Variants in MTMR1 observed in about 807,000 individuals in gnomAD.
MTMR1 encodes phosphatidylinositol-3-phosphate phosphatase MTMR1.
Under a neutral mutation model 51.6 loss-of-function variants are expected in MTMR1, and 17 were observed. That is an observed-to-expected ratio of 0.33 (90% CI 0.23 to 0.49). MTMR1 has a LOEUF of 0.49. Ranked by LOEUF, MTMR1 falls within the 20% of genes least tolerant of loss-of-function variation. MTMR1 has a pLI of 0.99. For synonymous variants in MTMR1, 201 were observed against 205.6 expected (o/e 0.98, Z 0.19); for missense variants, 386 against 526.9 (o/e 0.73, Z 2.62).
intron 3 of MTMR1, among the ~76,000 whole-genome samples, chrX:150,718,424 A>G (rs1385139626): frequency 9.0e-6 from 1 of 111,201 alleles, no homozygotes; most frequent in Non-Finnish European, 1.9e-5. Flanking sequence ...ACAATTTGCT[A>G]GAATATGCAG....
chrX:150,764,958 AT>A lies in MTMR1; in HGVS notation c.*2230del, dbSNP rs1557418425. 3 of 112,527 alleles carry A rather than the reference AT, an allele frequency of 2.7e-5. No individual in the cohort carries two copies. The highest frequency in any genetic ancestry group is 3.7e-5 in the Non-Finnish European group (2 of 53,355). The allele number at this position is 112,527 out of a possible 1,213,427, so 9.3% of individuals were successfully genotyped here. A position where few individuals can be genotyped will look rare whatever the true frequency, so the allele number is the denominator to read the frequency against. On this transcript the variant is annotated 3_prime_UTR_variant, in exon 16 of 16. Coordinates refer to ENST00000445323, the MANE Select transcript of MTMR1 (RefSeq NM_001306144.3). The stretch of plus-strand genomic sequence containing the variant: ...GTCTTTTTTAAGTAAGTAAGTAAGT[AT>A]CTTAGTAGATTTTTCCTTTGAGGAA...
chrX:150,702,317 G>C (rs1468383164), intron 2 of MTMR1, among the ~76,000 whole-genome samples: 1 of 110,497 alleles, frequency 9.1e-6, no homozygotes, highest in Admixed American at 9.6e-5. Flanking sequence ...CTCCATCCCA[G>C]ATTTACTGAA....
rs1485884244 is a variant in MTMR1, at chrX:150,764,582, A to G, written c.*1853A>G. 2.7e-5 allele frequency: 3 copies of G among 111,255 alleles called. No individual in the cohort carries two copies. Among genetic ancestry groups the G allele is most frequent in the Admixed American group, 1.9e-4 (2 of 10,441 alleles). The allele number at this position is 111,255 out of a possible 1,213,427, so 9.2% of individuals were successfully genotyped here. On this transcript the variant is annotated 3_prime_UTR_variant, in exon 16 of 16. Coordinates refer to ENST00000445323, the MANE Select transcript of MTMR1 (RefSeq NM_001306144.3). The stretch of plus-strand genomic sequence containing the variant: ...GACTGGATGATGCCTTCGACAAACC[A>G]GAGAAGCCAAGTTGGGGGGAGCTGG...
intron 9 of MTMR1, among the ~76,000 whole-genome samples, chrX:150,732,148 T>G (rs2042136238): frequency 8.9e-6 from 1 of 111,775 alleles, no homozygotes; most frequent in South Asian, 3.7e-4. Context: ...TATAAGAGAC[T>G]GTATATTCAC....
At chrX:150,744,607 A>G (rs1270758979) in intron 13 of MTMR1, among the ~76,000 whole-genome samples, 154 bp downstream of exon 13, 1 of 112,759 alleles carries the variant, frequency 8.9e-6, no homozygotes, top group Admixed American at 9.4e-5. Context: ...AAATATAAGC[A>G]GAACATTAGA....
intron 4 of MTMR1, among the ~76,000 whole-genome samples, chrX:150,725,841 G>A (rs2041904952): frequency 9.0e-6 from 1 of 111,627 alleles, no homozygotes. Context: ...ATATTCGACT[G>A]TCCTCACTGC....
intron 2 of MTMR1, among the ~76,000 whole-genome samples, chrX:150,702,113 G>C (rs1344240889): frequency 2.9e-5 from 3 of 103,009 alleles, no homozygotes; most frequent in African/African-American, 1.1e-4. Flanking sequence ...ATAGAGATGG[G>C]GTCTTACTAC....
chrX:150,727,823 G>A (rs782478067), intron 6 of MTMR1, 32 bp downstream of exon 6: 15 of 1,066,138 alleles, frequency 1.4e-5, no homozygotes, highest in Non-Finnish European at 2.0e-5. Context: ...AAAACTAAAA[G>A]AGGGCAATCA....
intron 14 of MTMR1, among the ~76,000 whole-genome samples, chrX:150,753,823 T>C (rs782760389): frequency 1.2e-3 from 135 of 112,503 alleles, no homozygotes; most frequent in Non-Finnish European, 2.0e-3. Context: ...GTTTTTAATT[T>C]TGATGAACTG....
At chrX:150,755,139 CA>C (rs1350331443) in intron 14 of MTMR1, among the ~76,000 whole-genome samples, 1 of 111,279 alleles carries the variant, frequency 9.0e-6, no homozygotes, top group Non-Finnish European at 1.9e-5. Context: ...ACTACAGCCT[CA>C]AACTCCTGGC....
intron 6 of MTMR1, among the ~76,000 whole-genome samples, chrX:150,729,333 G>T (rs782214309): frequency 1.8e-5 from 2 of 111,969 alleles, no homozygotes; most frequent in Non-Finnish European, 3.8e-5. Flanking sequence ...AGGTGTATGT[G>T]TGTAGCCATG....
chrX:150,755,643 T>C (rs2042883595), intron 14 of MTMR1, 46 bp from the exon 15 acceptor site: 1 of 987,873 alleles, frequency 1.0e-6, no homozygotes, highest in Non-Finnish European at 1.4e-6. Flanking sequence ...TAATTCTTGA[T>C]GATATGAAGA....
chrX:150,731,312 C>T (rs994724622), intron 8 of MTMR1, among the ~76,000 whole-genome samples, 158 bp from the exon 9 acceptor site: 5 of 111,266 alleles, frequency 4.5e-5, no homozygotes, highest in African/African-American at 6.6e-5. Flanking sequence ...TGGGTTTTAC[C>T]GAATAAATAT....
At chrX:150,735,141 A>G (rs1210059024) in intron 10 of MTMR1, among the ~76,000 whole-genome samples, 1 of 111,983 alleles carries the variant, frequency 8.9e-6, no homozygotes, top group Non-Finnish European at 1.9e-5. Context: ...AAGCTAAGAG[A>G]GAGACATGGA....
At chrX:150,736,517 G>C (rs2042273089) in intron 10 of MTMR1, 78 bp from the exon 11 acceptor site, 2 of 966,788 alleles carry the variant, frequency 2.1e-6, no homozygotes, top group Non-Finnish European at 2.9e-6. Context: ...CTTCTTTAGT[G>C]GTCTGTATCT....
intron 2 of MTMR1, among the ~76,000 whole-genome samples, chrX:150,709,012 C>T (rs1038405903): frequency 9.0e-6 from 1 of 111,489 alleles, no homozygotes; most frequent in Non-Finnish European, 1.9e-5. Context: ...TCTAATGAGG[C>T]CTAGATACCC....
chrX:150,762,267 G>A (rs900397430), intron 15 of MTMR1, among the ~76,000 whole-genome samples: 31 of 112,459 alleles, frequency 2.8e-4, no homozygotes, highest in East Asian at 8.4e-4. Flanking sequence ...TCCATGGTGC[G>A]CAGTGTCCCC....
chrX:150,732,768 T>G (rs782074601), intron 10 of MTMR1, 38 bp downstream of exon 10: 16 of 1,091,093 alleles, frequency 1.5e-5, no homozygotes, highest in Non-Finnish European at 2.0e-5. Flanking sequence ...ACTGGATATT[T>G]TCATGTCCTG....
rs191807958 is a variant in MTMR1 at position 150,760,160 on chromosome X, T to C, written c.1858-2405T>C. 1.1e-4 allele frequency among the ~76,000 whole-genome samples: 12 copies of C among 108,947 alleles called. No homozygotes were observed. In the East Asian group the frequency reaches 3.1e-3, roughly 28 times the overall value. The allele number at this position is 108,947 out of a possible 115,157, so 94.6% of individuals were successfully genotyped here. On this transcript the variant is annotated intron_variant, in intron 15 of 15. Transcript: ENST00000445323. ...AGAGTACATGGGCCGCAGCTTGTTA[T>C]CCTGTATGCAACAGGCATGTGTCGG...
Sources: gnomAD v4.1 joint callset for allele counts (sites outside exome capture counted in the v4.1 genomes callset) on GRCh38, gnomAD v4.1.1 for gene constraint, MANE v1.5 for transcripts, NCBI Gene and HGNC (gene_info 2026-07-23, HGNC 2026-07-21) for gene names.